WASF3: variants seen among roughly 807,000 people sequenced by gnomAD.
The protein encoded by WASF3 is actin-binding protein WASF3.
In WASF3, 11 loss-of-function variants were observed where a neutral mutation model predicts 46.6. The observed-to-expected ratio is 0.24, with a 90% confidence interval of 0.15 to 0.39. WASF3 has a LOEUF of 0.39. Ranked by LOEUF, WASF3 falls within the 10% of genes least tolerant of loss-of-function variation. The probability of loss-of-function intolerance (pLI) is 1.00; values close to 1 mark genes in which losing one functional copy is unlikely to be tolerated. For synonymous variants in WASF3, 242 were observed against 259.7 expected (o/e 0.93, Z 0.65); for missense variants, 576 against 669.8 (o/e 0.86, Z 1.55).
chr13:26,568,295 G>C (rs1331391437), intron 1 of WASF3, among the ~76,000 whole-genome samples: 1 of 152,146 alleles, frequency 6.6e-6, no homozygotes, highest in Non-Finnish European at 1.5e-5. Flanking sequence ...CTGTGTGCTA[G>C]GTAGGCATTG....
intron 1 of WASF3, among the ~76,000 whole-genome samples, chr13:26,580,932 C>CT (rs5802385): frequency 0.52 from 71,327 of 136,650 alleles, 18,787 homozygotes; most frequent in Non-Finnish European, 0.55. Context: ...GCATAAATTT[C>CT]TTTTTTTTTT....
the WASF3 span, among the ~76,000 whole-genome samples, chr13:26,547,739 C>T: frequency 6.6e-6 from 1 of 152,176 alleles, no homozygotes; most frequent in Admixed American, 6.5e-5. Context: ...TTGATCTTCT[C>T]CACTGAATCG....
chr13:26,577,310 T>C (rs1879829424), intron 1 of WASF3: 2 of 750,150 alleles, frequency 2.7e-6, no homozygotes, highest in Non-Finnish European at 4.9e-6. Context: ...TTGGTTTTCC[T>C]AAAAACAATG....
chr13:26,555,217 T>C (rs1252828961), upstream of WASF3, among the ~76,000 whole-genome samples: 1 of 152,220 alleles, frequency 6.6e-6, no homozygotes, highest in Non-Finnish European at 1.5e-5. Flanking sequence ...GGGAGGTGTC[T>C]GTTTAGATCT....
At chr13:26,652,070 A>G (rs1267802396) in intron 3 of WASF3, among the ~76,000 whole-genome samples, 7 of 152,220 alleles carry the variant, frequency 4.6e-5, no homozygotes, top group Non-Finnish European at 1.0e-4. Flanking sequence ...TAACCACATC[A>G]ATAATTTCTT....
At chr13:26,602,452 G>T in intron 1 of WASF3, among the ~76,000 whole-genome samples, 1 of 152,112 alleles carries the variant, frequency 6.6e-6, no homozygotes, top group Non-Finnish European at 1.5e-5. Flanking sequence ...TGGCATGATG[G>T]TGGGCCATTT....
chr13:26,551,902 A>G, the WASF3 span, among the ~76,000 whole-genome samples: 1 of 152,362 alleles, frequency 6.6e-6, no homozygotes, highest in African/African-American at 2.4e-5. Context: ...TTGCTCATAA[A>G]ATAGCGTGAA....
At chr13:26,558,457 G>A (rs1453323307) in intron 1 of WASF3, among the ~76,000 whole-genome samples, 1 of 108,290 alleles carries the variant, frequency 9.2e-6, no homozygotes, top group South Asian at 3.7e-4. Flanking sequence ...GGCGGCCCGC[G>A]AGTGCGGGGG....
intron 1 of WASF3, among the ~76,000 whole-genome samples, chr13:26,581,428 C>A (rs900595952): frequency 1.3e-5 from 2 of 151,270 alleles, no homozygotes; most frequent in African/African-American, 4.9e-5. Context: ...GAGGAGTTAA[C>A]CTAGGCCAGC....
intron 3 of WASF3, among the ~76,000 whole-genome samples, chr13:26,661,400 T>A (rs1882626976): frequency 6.6e-6 from 1 of 152,230 alleles, no homozygotes; most frequent in Non-Finnish European, 1.5e-5. Flanking sequence ...TAATTTTGCT[T>A]AGCCTAATGT....
At chr13:26,640,413 T>C (rs957713407) in intron 2 of WASF3, 7 of 151,864 alleles carry the variant, frequency 4.6e-5, no homozygotes, top group African/African-American at 1.7e-4. Flanking sequence ...TTTTTCTTTT[T>C]TTTTTTTTAA....
In WASF3 at chr13:26,665,247, C is replaced by T. The variant is rs1044290412; in HGVS notation, c.268+85C>T. 4.1e-6 allele frequency: 6 copies of T among 1,473,504 alleles called. No homozygotes were observed. In the African/African-American group the frequency reaches 6.9e-5, roughly 17 times the overall value. The allele number at this position is 1,473,504 out of a possible 1,614,324, so 91.3% of individuals were successfully genotyped here. A position where few individuals can be genotyped will look rare whatever the true frequency, so the allele number is the denominator to read the frequency against. The stretch of plus-strand genomic sequence containing the variant: ...ATTGCAGTGTAATTACTGCTTTTTC[C>T]TTGGGATGGCATGCTGATATTTCAT... On this transcript the variant is annotated intron_variant, in intron 4 of 9. Transcript: ENST00000335327.
intron 3 of WASF3, among the ~76,000 whole-genome samples, chr13:26,653,550 C>G (rs1428297972): frequency 6.6e-6 from 1 of 152,212 alleles, no homozygotes; most frequent in Non-Finnish European, 1.5e-5. Context: ...TCATCTGTTA[C>G]TGGCATGCGA....
intron 1 of WASF3, among the ~76,000 whole-genome samples, chr13:26,573,663 G>A (rs1382184024): frequency 6.6e-6 from 1 of 151,974 alleles, no homozygotes; most frequent in African/African-American, 2.4e-5. Flanking sequence ...TATTTTCCTT[G>A]ATTTAATTAC....
At chr13:26,565,258 G>C (rs1566036369) in intron 1 of WASF3, among the ~76,000 whole-genome samples, 1 of 152,048 alleles carries the variant, frequency 6.6e-6, no homozygotes. Context: ...TGGTACACGG[G>C]AGAAACTCTA....
At position 26,655,480 on chromosome 13, in the gene WASF3, A is replaced by AT. The variant is rs1271059105; in HGVS notation, c.134-9541dup. On this transcript the variant is annotated intron_variant, in intron 3 of 9. Coordinates refer to ENST00000335327, the MANE Select transcript of WASF3 (RefSeq NM_006646.6). ...TACCCCAAGTTTCTGTAATGCAAAG[A>AT]TTTTTTTCCCTATGTGATTAAAAAG... Among the ~76,000 whole-genome samples the AT allele has an allele frequency of 3.3e-5, 5 of 152,156 alleles. No individual in the cohort carries two copies. The East Asian group carries it at 5.8e-4, about 18-fold the overall frequency.
chr13:26,625,499 T>C (rs1237593757), intron 2 of WASF3, among the ~76,000 whole-genome samples: 2 of 152,092 alleles, frequency 1.3e-5, no homozygotes, highest in African/African-American at 4.8e-5. Flanking sequence ...GGAGCTCCAA[T>C]GTCTGAGGGC....
chr13:26,645,944 A>G (rs1287973815), intron 3 of WASF3, among the ~76,000 whole-genome samples: 2 of 152,258 alleles, frequency 1.3e-5, no homozygotes, highest in African/African-American at 2.4e-5. Context: ...AGATCCATGT[A>G]AGAACTGAAG....
chr13:26,665,820 A>C (rs1566068302), intron 4 of WASF3, among the ~76,000 whole-genome samples: 1 of 152,226 alleles, frequency 6.6e-6, no homozygotes, highest in African/African-American at 2.4e-5. Flanking sequence ...TGAAAGACTC[A>C]GATTGAGCTG....
Sources: allele counts gnomAD v4.1 joint callset (sites outside exome capture counted in the v4.1 genomes callset), GRCh38; gene constraint gnomAD v4.1.1; transcripts MANE v1.5; gene names NCBI Gene and HGNC (gene_info 2026-07-23, HGNC 2026-07-21).